Variants in TACC2 observed in about 807,000 individuals in gnomAD.
The protein encoded by TACC2 is transforming acidic coiled-coil-containing protein 2.
In TACC2, 137 loss-of-function variants were observed where a neutral mutation model predicts 227.3. The ratio of observed to expected loss-of-function variants is 0.60; its 90% CI spans 0.52 to 0.69. The LOEUF is 0.69. Ranked by LOEUF, TACC2 falls within the 30% of genes least tolerant of loss-of-function variation. TACC2 has a pLI of 0.00. For missense variants in TACC2, 3,470 were observed against 3,694.4 expected, an observed-to-expected ratio of 0.94 and a Z score of 1.57; for synonymous variants, 1,523 against 1,487.5, an observed-to-expected ratio of 1.02 and a Z score of -0.55.
At chr10:122,111,358 A>G (rs1412690773) in intron 5 of TACC2, among the ~76,000 whole-genome samples, 2 of 152,180 alleles carry the variant, frequency 1.3e-5, no homozygotes, top group Non-Finnish European at 2.9e-5. Context: ...GTCAACTGGG[A>G]GGGGCTGTTT....
chr10:122,225,064 T>TAAAA (rs10712513), intron 12 of TACC2, among the ~76,000 whole-genome samples: 1 of 143,920 alleles, frequency 6.9e-6, no homozygotes, highest in African/African-American at 2.6e-5. Flanking sequence ...GAGATTTCTT[T>TAAAA]AAAAAAAAAA....
At chr10:122,242,756 AT>A (rs1290045335) in intron 19 of TACC2, among the ~76,000 whole-genome samples, 3 of 151,744 alleles carry the variant, frequency 2.0e-5, no homozygotes, top group Non-Finnish European at 4.4e-5. Flanking sequence ...GGTCTGTGGG[AT>A]TTTTTTAAAA....
chr10:121,999,012 CTT>C (rs201601074), intron 1 of TACC2, among the ~76,000 whole-genome samples: 19 of 142,022 alleles, frequency 1.3e-4, no homozygotes, highest in South Asian at 9.1e-4. Flanking sequence ...TTCTTTCTTT[CTT>C]TTTTTTTTTT....
At chr10:122,236,786 T>TA (rs2095864872) in intron 16 of TACC2, among the ~76,000 whole-genome samples, 1 of 152,210 alleles carries the variant, frequency 6.6e-6, no homozygotes, top group African/African-American at 2.4e-5. Flanking sequence ...ACAGAACTCT[T>TA]ACATAACTCT....
intron 22 of TACC2, among the ~76,000 whole-genome samples, chr10:122,252,983 C>A (rs1270919620): frequency 6.6e-6 from 1 of 152,170 alleles, no homozygotes; most frequent in East Asian, 1.9e-4. Flanking sequence ...ACTGGAACTT[C>A]CCCTCCACTG....
chr10:122,175,827 G>A (rs2093668490), intron 7 of TACC2, among the ~76,000 whole-genome samples: 1 of 152,196 alleles, frequency 6.6e-6, no homozygotes, highest in African/African-American at 2.4e-5. Flanking sequence ...AGCACTTCAG[G>A]AGGCTGAGGC....
chr10:122,237,455 G>T lies in TACC2; in HGVS notation c.8188G>T (p.Gly2730Trp), dbSNP rs61753077. The T allele has an allele frequency of 6.2e-7, 1 of 1,613,970 alleles. No homozygotes were observed. The highest frequency in any genetic ancestry group is 1.7e-5 in the Admixed American group (1 of 60,018). ...ISKTALYSRIGTAEVEKPAGL... is the reference protein window; with the variant it reads ...ISKTALYSRIWTAEVEKPAGL... ...CAAAACAGCCTTGTACTCCCGCATC[G>T]GGACCGCTGAGGTGGAGAAACCTGC... is the stretch of plus-strand genomic sequence containing the variant. The change falls in exon 17 of 23, where the codon GGG becomes TGG. Residue 2730 changes from glycine (G) to tryptophan (W), a missense_variant. By Grantham distance (184) the Gly-to-Trp change is radical. This residue lies in a region of TACC2 where 345 missense variants were observed against 354.4 expected (regional missense o/e 0.97). Transcript: ENST00000369005.
chr10:122,018,171 G>A (rs1023562555), intron 1 of TACC2, among the ~76,000 whole-genome samples: 15 of 151,986 alleles, frequency 9.9e-5, no homozygotes, highest in Non-Finnish European at 2.1e-4. Flanking sequence ...CCCTCTCTGT[G>A]TCCATGTGTT....
At chr10:122,235,261 T>TAATTTTAGTAGAGACAGGGTTTTGC (rs2095836311) in intron 16 of TACC2, among the ~76,000 whole-genome samples, 1 of 152,188 alleles carries the variant, frequency 6.6e-6, no homozygotes, top group African/African-American at 2.4e-5. Context: ...CTAGTTTTTG[T>TAATTTTAGTAGAGACAGGGTTTTGC]ATTTTTAGTA....
At chr10:121,991,594 T>C (rs1215095533) in intron 1 of TACC2, among the ~76,000 whole-genome samples, 2 of 152,258 alleles carry the variant, frequency 1.3e-5, no homozygotes, top group African/African-American at 2.4e-5. Context: ...GAGTGAATGA[T>C]AGAAACTGCA....
chr10:122,084,097 C>G lies in TACC2; in HGVS notation c.1597C>G (p.Pro533Ala). Residue 533 changes from proline (P) to alanine (A), a missense_variant, in exon 4 of 23, where the codon CCT (proline) becomes GCT (alanine). Physicochemically the swap from Pro to Ala is conservative, Grantham distance 27. This residue lies in a region of TACC2 where 1,924 missense variants were observed against 1,978.3 expected (regional missense o/e 0.97). Coordinates refer to ENST00000369005, the MANE Select transcript of TACC2 (RefSeq NM_206862.4). ...TGAGGTCCAACCAGGAGCACCACCC[C>G]CTCCTCTTCCCAAGGCACCAAGTGA... ...SHEVQPGAPP[P>A]PLPKAPSESA... 1 of 1,614,050 alleles carries G rather than the reference C, an allele frequency of 6.2e-7. No homozygotes were observed. Among genetic ancestry groups the G allele is most frequent in the Non-Finnish European group, 8.5e-7 (1 of 1,179,980 alleles).
intron 5 of TACC2, among the ~76,000 whole-genome samples, chr10:122,126,293 A>T (rs2086840559): frequency 8.0e-6 from 1 of 125,620 alleles, no homozygotes; most frequent in Admixed American, 8.3e-5. Context: ...TATTACTTTT[A>T]TTCCATGGGT....
Position 122,205,965 on chromosome 10 carries a change from G to A in TACC2, c.5972-4432G>A, listed in dbSNP as rs2095090941. ...GTGTACTTAGAAGATACAAAGCCAT[G>A]CTCTCTGTGTAGGAGACCATCTACC... is the stretch of plus-strand genomic sequence containing the variant. On this transcript the variant is annotated intron_variant, in intron 8 of 22. Coordinates refer to ENST00000369005, the MANE Select transcript of TACC2 (RefSeq NM_206862.4). This position sits in a 1 kb window ranked among gnomAD's most constrained non-coding sequence, Gnocchi z 4.5. Among the ~76,000 whole-genome samples, 1 of 152,204 alleles carries A rather than the reference G, an allele frequency of 6.6e-6. No homozygotes were observed. Among genetic ancestry groups the A allele is most frequent in the Non-Finnish European group, 1.5e-5 (1 of 68,048 alleles).
At chr10:122,061,567 C>T (rs369755798) in intron 3 of TACC2, among the ~76,000 whole-genome samples, 1 of 152,164 alleles carries the variant, frequency 6.6e-6, no homozygotes, top group African/African-American at 2.4e-5. Context: ...CAGAGTTCTC[C>T]TTTCTGCTTC....
chr10:122,176,099 CTCTCTCTCTCTCTCTCTCTATATA>C (rs1430613274), intron 7 of TACC2, among the ~76,000 whole-genome samples: 496 of 88,874 alleles, frequency 5.6e-3, no homozygotes, highest in African/African-American at 0.012. Context: ...CTCTCTCTCT[CTCTCTCTCTCTCTCTCTCTATATA>C]TATATATATA....
At chr10:122,039,906 C>T (rs1350941729) in intron 2 of TACC2, among the ~76,000 whole-genome samples, 1 of 152,106 alleles carries the variant, frequency 6.6e-6, no homozygotes, top group Admixed American at 6.6e-5. Flanking sequence ...GGAAAATTCC[C>T]ACACTCAGCC....
intron 5 of TACC2, among the ~76,000 whole-genome samples, chr10:122,090,217 T>C (rs1286241068): frequency 2.0e-5 from 3 of 151,984 alleles, no homozygotes; most frequent in Non-Finnish European, 2.9e-5. Flanking sequence ...TTATAAATTA[T>C]AGTTTTTTCC....
chr10:122,087,515 G>A lies in TACC2; in HGVS notation c.5015G>A (p.Arg1672Gln), dbSNP rs140209193. 153 of 1,613,946 alleles carry A rather than the reference G, an allele frequency of 9.5e-5. No homozygotes were observed. Among genetic ancestry groups the A allele is most frequent in the East Asian group, 9.4e-4 (42 of 44,872 alleles). ...GTCACTGCTGGCATCTTGGAAATGC[G>A]AAATGCCCTGGGCAACCAGAGCACC... ...PGVTAGILEMRNALGNQSTPA... is the reference protein window; with the variant it reads ...PGVTAGILEMQNALGNQSTPA... The change falls in exon 4 of 23, where the codon CGA (arginine) becomes CAA (glutamine). Residue 1672 changes from arginine to glutamine, a missense_variant. Transcript: ENST00000369005.
intron 1 of TACC2, among the ~76,000 whole-genome samples, chr10:122,011,455 G>A (rs1356255503): frequency 2.0e-5 from 3 of 151,936 alleles, no homozygotes; most frequent in African/African-American, 4.8e-5. Context: ...TTAGCCTCCC[G>A]AGTAGCTGGG....
Sources: gnomAD v4.1 joint callset for allele counts (sites outside exome capture counted in the v4.1 genomes callset) on GRCh38, gnomAD v4.1.1 for gene constraint, gnomAD v4.1.1 regional missense constraint, Gnocchi (gnomAD v3.1) non-coding constraint, MANE v1.5 for transcripts, NCBI Gene and HGNC (gene_info 2026-07-23, HGNC 2026-07-21) for gene names.